Variants in NALCN observed in about 807,000 individuals in gnomAD.
NALCN encodes sodium leak channel, non-selective.
In NALCN, 111 loss-of-function variants were observed where a neutral mutation model predicts 225.3. That is an observed-to-expected ratio of 0.49 (90% CI 0.42 to 0.58). NALCN has a LOEUF of 0.58. Among genes scored for constraint, NALCN ranks in the 20% least tolerant of loss-of-function variants. The pLI is 0.00. For synonymous variants in NALCN, 764 were observed against 769.0 expected, an observed-to-expected ratio of 0.99 and a Z score of 0.11; for missense variants, 1,378 against 2,202.4, an observed-to-expected ratio of 0.63 and a Z score of 7.49.
intron 7 of NALCN, among the ~76,000 whole-genome samples, chr13:101,305,543 C>T (rs1212652284): frequency 6.6e-6 from 1 of 152,166 alleles, no homozygotes; most frequent in East Asian, 1.9e-4. Flanking sequence ...ACAACTACCT[C>T]ATACTGCAAA....
chr13:101,140,945 A>G (rs2037048526), intron 17 of NALCN, among the ~76,000 whole-genome samples: 1 of 152,224 alleles, frequency 6.6e-6, no homozygotes, highest in South Asian at 2.1e-4. Context: ...TAAAAAAATA[A>G]AAATAAAAGA....
At chr13:101,103,746 G>C (rs1475087224) in intron 25 of NALCN, among the ~76,000 whole-genome samples, 1 of 152,130 alleles carries the variant, frequency 6.6e-6, no homozygotes, top group Non-Finnish European at 1.5e-5. Flanking sequence ...CAAAGACATT[G>C]ATTTCATGCC....
intron 10 of NALCN, among the ~76,000 whole-genome samples, chr13:101,279,545 G>T (rs2043077344): frequency 6.6e-6 from 1 of 152,020 alleles, no homozygotes. Context: ...GGCCGGGCGC[G>T]GTGGCTCACG....
At chr13:101,137,039 T>G (rs1566323950) in intron 17 of NALCN, among the ~76,000 whole-genome samples, 2 of 152,230 alleles carry the variant, frequency 1.3e-5, no homozygotes, top group African/African-American at 4.8e-5. Context: ...TGATTTGCAT[T>G]TCTCTGATGG....
chr13:101,198,327 A>C (rs2039973174), intron 13 of NALCN, among the ~76,000 whole-genome samples: 1 of 152,216 alleles, frequency 6.6e-6, no homozygotes, highest in Non-Finnish European at 1.5e-5. Context: ...TGCACAGCAA[A>C]AGAAACTACC....
At chr13:101,334,358 G>A (rs2045290156) in intron 7 of NALCN, among the ~76,000 whole-genome samples, 1 of 84,184 alleles carries the variant, frequency 1.2e-5, no homozygotes, top group South Asian at 3.3e-4. Context: ...CACAGGAGAT[G>A]GGGGTAGGGG....
chr13:101,237,326 G>A (rs964489984), intron 12 of NALCN, among the ~76,000 whole-genome samples: 4 of 151,850 alleles, frequency 2.6e-5, no homozygotes, highest in African/African-American at 4.8e-5. Context: ...ATTATAAACC[G>A]TTGTTGAGCA....
intron 13 of NALCN, among the ~76,000 whole-genome samples, chr13:101,218,739 C>T (rs1470333614): frequency 6.6e-6 from 1 of 152,084 alleles, no homozygotes; most frequent in Non-Finnish European, 1.5e-5. Context: ...CCTGCTCCAG[C>T]CATATAAGAC....
chr13:101,178,770 A>G (rs960302012), intron 14 of NALCN, among the ~76,000 whole-genome samples: 10 of 152,238 alleles, frequency 6.6e-5, no homozygotes, highest in Non-Finnish European at 1.3e-4. Flanking sequence ...AAGCCTTCTT[A>G]CTTGAGGACT....
At chr13:101,202,219 G>T (rs556447988) in intron 13 of NALCN, among the ~76,000 whole-genome samples, 15 of 152,274 alleles carry the variant, frequency 9.9e-5, no homozygotes, top group African/African-American at 3.4e-4. Flanking sequence ...AGTAAATGCT[G>T]GTCGTACCTA....
chr13:101,334,247 C>T (rs1179326793), intron 7 of NALCN, among the ~76,000 whole-genome samples: 4 of 151,904 alleles, frequency 2.6e-5, no homozygotes, highest in Admixed American at 2.6e-4. Context: ...GAAGTGTCCA[C>T]TTTGATGCAC....
At chr13:101,107,437 C>G (rs773824515) in intron 22 of NALCN, 50 bp downstream of exon 22, 5 of 1,611,880 alleles carry the variant, frequency 3.1e-6, no homozygotes, top group Non-Finnish European at 8.5e-7. Flanking sequence ...AACACCCCTG[C>G]TGTTTGCATG....
intron 12 of NALCN, among the ~76,000 whole-genome samples, chr13:101,231,283 G>A (rs1286592996): frequency 1.3e-5 from 2 of 151,772 alleles, no homozygotes; most frequent in Admixed American, 1.3e-4. Flanking sequence ...GTAATTAATT[G>A]ACAAATTTAT....
At chr13:101,386,102 G>A (rs570410155) in intron 3 of NALCN, among the ~76,000 whole-genome samples, 2 of 152,152 alleles carry the variant, frequency 1.3e-5, no homozygotes, top group East Asian at 3.9e-4. Flanking sequence ...ATCCACTGTG[G>A]TTTGATTAGT....
chr13:101,160,023 C>T lies in NALCN; in HGVS notation c.1840-15127G>A, dbSNP rs186404647. On this transcript the variant is annotated intron_variant, in intron 15 of 43. Coordinates refer to ENST00000251127, the MANE Select transcript of NALCN (RefSeq NM_052867.4). ...AGGCTGAAGTGCAGCGGTGCGATCT[C>T]GGCTCACTGCAACCTCTGCCTCCTG... is the stretch of plus-strand genomic sequence containing the variant. Among the ~76,000 whole-genome samples the T allele has an allele frequency of 2.8e-4, 42 of 152,178 alleles. No homozygotes were observed. The East Asian group carries it at 5.2e-3, about 19-fold the overall frequency.
At chr13:101,285,881 T>C (rs1432171006) in intron 9 of NALCN, among the ~76,000 whole-genome samples, 1 of 152,238 alleles carries the variant, frequency 6.6e-6, no homozygotes, top group East Asian at 1.9e-4. Context: ...ATAAAAACCC[T>C]CTGTTGATAC....
chr13:101,377,103 T>C (rs146795687), intron 4 of NALCN, 47 bp from the exon 5 acceptor site: 5 of 1,611,670 alleles, frequency 3.1e-6, no homozygotes, highest in East Asian at 2.2e-5. Flanking sequence ...TCCCTTAGCA[T>C]TGCTTATAGT....
chr13:101,164,552 T>C (rs539807487), intron 15 of NALCN, among the ~76,000 whole-genome samples: 2 of 152,192 alleles, frequency 1.3e-5, no homozygotes, highest in Admixed American at 6.5e-5. Flanking sequence ...TGGCCTCCCA[T>C]ATTTCTACTT....
intron 11 of NALCN, among the ~76,000 whole-genome samples, chr13:101,251,478 C>T (rs2042061003): frequency 6.6e-6 from 1 of 151,986 alleles, no homozygotes; most frequent in Non-Finnish European, 1.5e-5. Context: ...AAAAACCTGA[C>T]CCAAACATGA....
Sources: allele counts gnomAD v4.1 joint callset (sites outside exome capture counted in the v4.1 genomes callset), GRCh38; gene constraint gnomAD v4.1.1; transcripts MANE v1.5; gene names NCBI Gene and HGNC (gene_info 2026-07-23, HGNC 2026-07-21).